The following TTLL5 variants were observed in gnomAD, a reference collection of about 807,000 sequenced individuals.
TTLL5 encodes the protein tubulin tyrosine ligase like 5, also known as tubulin polyglutamylase TTLL5.
A neutral mutation model predicts 168.4 loss-of-function variants in TTLL5; 132 were observed. The observed-to-expected ratio is 0.78, with a 90% CI of 0.68 to 0.91. TTLL5 has a LOEUF of 0.91. Ranked by LOEUF, TTLL5 falls within the 40% of genes least tolerant of loss-of-function variation. TTLL5 has a pLI of 0.00. For synonymous variants in TTLL5, 546 were observed against 558.6 expected (o/e 0.98, Z 0.32); for missense variants, 1,545 against 1,581.5 (o/e 0.98, Z 0.39).
rs183867539 is a variant in TTLL5, at chr14:75,719,558, A to C, written c.843-177A>C. On this transcript the variant is annotated intron_variant, in intron 10 of 31. Transcript: ENST00000298832. ...TATGCATTTTCATTTCCATTGAAGA[A>C]ATTGGTATGAAAGGATATATGACAA... 6.6e-5 allele frequency among the ~76,000 whole-genome samples: 10 copies of C among 152,336 alleles called. No individual in the cohort carries two copies. In the East Asian group the frequency reaches 1.9e-3, roughly 29 times the overall value.
intron 28 of TTLL5, among the ~76,000 whole-genome samples, chr14:75,857,738 G>A (rs998296146): frequency 2.0e-5 from 3 of 150,652 alleles, no homozygotes; most frequent in East Asian, 1.9e-4. Flanking sequence ...TGCAACCTCC[G>A]CCTCCCAGGT....
chr14:75,861,297 G>T (rs2029973952), intron 28 of TTLL5, among the ~76,000 whole-genome samples: 1 of 152,156 alleles, frequency 6.6e-6, no homozygotes, highest in African/African-American at 2.4e-5. Flanking sequence ...CTTAACGAGA[G>T]ATTTGGAAAT....
intron 31 of TTLL5, among the ~76,000 whole-genome samples, chr14:75,903,106 T>A (rs1236417437): frequency 6.6e-6 from 1 of 152,220 alleles, no homozygotes; most frequent in East Asian, 1.9e-4. Context: ...GCACATAATG[T>A]AGGAACTATA....
intron 29 of TTLL5, among the ~76,000 whole-genome samples, chr14:75,868,702 C>G (rs1256225857): frequency 1.3e-5 from 2 of 152,140 alleles, no homozygotes; most frequent in East Asian, 3.9e-4. Context: ...TAAACCGAAC[C>G]ATGTCTTGTT....
chr14:75,804,338 A>G (rs1893528798), intron 27 of TTLL5, among the ~76,000 whole-genome samples: 1 of 152,240 alleles, frequency 6.6e-6, no homozygotes, highest in Non-Finnish European at 1.5e-5. Flanking sequence ...ATTCTTTATC[A>G]TTTCTTCTGC....
At chr14:75,707,779 T>G in intron 9 of TTLL5, 72 bp downstream of exon 9, 24 of 1,194,034 alleles carry the variant, frequency 2.0e-5, no homozygotes, top group Non-Finnish European at 2.7e-5. Flanking sequence ...GTGGATCCAT[T>G]AACAAGTTTA....
At chr14:75,912,137 C>T (rs1020384437) in intron 31 of TTLL5, among the ~76,000 whole-genome samples, 3 of 152,206 alleles carry the variant, frequency 2.0e-5, no homozygotes, top group African/African-American at 4.8e-5. Context: ...GACAGCTCCG[C>T]CCTACTCATG....
At chr14:75,698,972 T>C (rs1390883223) in intron 6 of TTLL5, among the ~76,000 whole-genome samples, 1 of 152,012 alleles carries the variant, frequency 6.6e-6, no homozygotes, top group East Asian at 1.9e-4. Context: ...GTGATTTTGC[T>C]GTCCTCTTTT....
intron 15 of TTLL5, 72 bp downstream of exon 15, chr14:75,735,361 C>A: frequency 1.4e-6 from 2 of 1,454,892 alleles, no homozygotes; most frequent in Non-Finnish European, 1.9e-6. Flanking sequence ...ACTGTGGGAG[C>A]AGAAGCACTG....
At chr14:75,893,082 C>A (rs1367199894) in intron 30 of TTLL5, among the ~76,000 whole-genome samples, 1 of 152,114 alleles carries the variant, frequency 6.6e-6, no homozygotes, top group South Asian at 2.1e-4. Context: ...AACGTGAATT[C>A]TTTACAGATA....
chr14:75,790,298 G>A (rs772612955), intron 26 of TTLL5, among the ~76,000 whole-genome samples: 10 of 152,074 alleles, frequency 6.6e-5, no homozygotes, highest in Non-Finnish European at 1.2e-4. Flanking sequence ...CACAAATCGT[G>A]TAAGTCAATA....
At chr14:75,777,654 C>T (rs1891793881) in intron 23 of TTLL5, among the ~76,000 whole-genome samples, 1 of 152,024 alleles carries the variant, frequency 6.6e-6, no homozygotes, top group Middle Eastern at 3.2e-3. Context: ...GATAAAAAAA[C>T]AGTAAGCCCC....
At chr14:75,755,516 T>C (rs1229161462) in intron 18 of TTLL5, among the ~76,000 whole-genome samples, 4 of 152,042 alleles carry the variant, frequency 2.6e-5, no homozygotes, top group Non-Finnish European at 4.4e-5. Flanking sequence ...TAGAAAGAGG[T>C]ACTCCCAGCC....
intron 8 of TTLL5, 47 bp downstream of exon 8, chr14:75,707,134 C>T: frequency 6.7e-7 from 1 of 1,486,546 alleles, no homozygotes; most frequent in Non-Finnish European, 9.4e-7. Context: ...GATTTTTGCT[C>T]AACTTTTTAA....
At chr14:75,822,797 C>G (rs1443560248) in intron 28 of TTLL5, among the ~76,000 whole-genome samples, 1 of 152,296 alleles carries the variant, frequency 6.6e-6, no homozygotes, top group Non-Finnish European at 1.5e-5. Context: ...AGTGTAAGCT[C>G]AGCCCAGCGC....
intron 9 of TTLL5, among the ~76,000 whole-genome samples, chr14:75,717,301 G>A (rs1287605764): frequency 6.6e-6 from 1 of 151,998 alleles, no homozygotes; most frequent in Admixed American, 6.6e-5. Flanking sequence ...TTTTTGTAGA[G>A]ATAGGGTCTT....
At chr14:75,842,231 G>A (rs1417151825) in intron 28 of TTLL5, among the ~76,000 whole-genome samples, 3 of 152,150 alleles carry the variant, frequency 2.0e-5, no homozygotes, top group East Asian at 3.9e-4. Context: ...ACAGAAACAT[G>A]CCCTTTTTCC....
At chr14:75,726,546 C>T (rs1888194685) in intron 12 of TTLL5, among the ~76,000 whole-genome samples, 1 of 152,120 alleles carries the variant, frequency 6.6e-6, no homozygotes, top group Admixed American at 6.6e-5. Context: ...TGATAAATGA[C>T]ATTACAAGTA....
chr14:75,702,947 TACC>T (rs1474051258), intron 7 of TTLL5, among the ~76,000 whole-genome samples: 1 of 152,218 alleles, frequency 6.6e-6, no homozygotes, highest in Non-Finnish European at 1.5e-5. Flanking sequence ...ACTGGAATTT[TACC>T]ACCTTTTACC....
Sources: gnomAD v4.1 joint callset for allele counts (sites outside exome capture counted in the v4.1 genomes callset) on GRCh38, gnomAD v4.1.1 for gene constraint, MANE v1.5 for transcripts, NCBI Gene and HGNC (gene_info 2026-07-23, HGNC 2026-07-21) for gene names.